Variants in PHF12 observed in about 807,000 individuals in gnomAD.
PHF12 encodes the protein PHD factor 1.
A neutral mutation model predicts 99.8 loss-of-function variants in PHF12; 6 were observed. The ratio of observed to expected loss-of-function variants is 0.06; its 90% confidence interval spans 0.03 to 0.12. The LOEUF (loss-of-function observed/expected upper bound fraction) is 0.12, where lower values mean the gene tolerates loss of function less well. Ranked by LOEUF, PHF12 falls within the 10% of genes least tolerant of loss-of-function variation. The pLI is 1.00. For missense variants in PHF12, 954 were observed against 1,300.1 expected (o/e 0.73, Z 4.09); for synonymous variants, 480 against 514.9 (o/e 0.93, Z 0.92).
At chr17:28,911,743 C>T (rs1044891919) in intron 9 of PHF12, among the ~76,000 whole-genome samples, 4 of 152,206 alleles carry the variant, frequency 2.6e-5, no homozygotes, top group East Asian at 1.9e-4. Flanking sequence ...ACTAGGAGGC[C>T]GGCTTCAGTT....
Position 28,905,611 on chromosome 17 carries a change from T to C in PHF12, c.*572A>G, listed in dbSNP as rs1422928612. The C allele has an allele frequency of 6.6e-6, 1 of 152,636 alleles. No homozygotes were observed. Among genetic ancestry groups the C allele is most frequent in the African/African-American group, 2.4e-5 (1 of 41,442 alleles). 9.5% of individuals were successfully genotyped at this position (152,636 alleles called of 1,614,324 possible). The stretch of plus-strand genomic sequence containing the variant: ...GACAGCCAGAAAAAGAATTCATTTC[T>C]CATTTGTCCATAATACACAGTAGCT... On this transcript the variant is annotated 3_prime_UTR_variant, in exon 15 of 15. Transcript: ENST00000332830.
intron 7 of PHF12, among the ~76,000 whole-genome samples, chr17:28,915,563 T>G (rs1567953339): frequency 6.6e-6 from 1 of 152,100 alleles, no homozygotes; most frequent in Non-Finnish European, 1.5e-5. Flanking sequence ...ATGGGCTTTC[T>G]GAGATCACCC....
intron 12 of PHF12, 111 bp downstream of exon 12, chr17:28,908,672 G>C: frequency 9.7e-7 from 1 of 1,027,440 alleles, no homozygotes. Flanking sequence ...ATTTAAAGCA[G>C]TCAACTCTGG....
rs893245280 is a variant in PHF12 at position 28,908,159 on chromosome 17, T to C, written c.2459-487A>G. ...TTGGGTATGTGTGAGTCTATCACTCTTTCAAAGACCACCAGGGACAAAGCA... is the reference window on the plus strand; with the variant it reads ...TTGGGTATGTGTGAGTCTATCACTCCTTCAAAGACCACCAGGGACAAAGCA... On this transcript the variant is annotated intron_variant, in intron 12 of 14. Coordinates refer to ENST00000332830, the MANE Select transcript of PHF12 (RefSeq NM_001033561.2). 4 of 162,102 alleles carry C rather than the reference T, an allele frequency of 2.5e-5. No individual in the cohort carries two copies. The East Asian group carries it at 7.2e-4, about 29-fold the overall frequency. The allele number at this position is 162,102 out of a possible 1,614,324, so 10.0% of individuals were successfully genotyped here.
chr17:28,947,961 CCTT>C (rs764026186), intron 2 of PHF12, among the ~76,000 whole-genome samples: 16 of 152,166 alleles, frequency 1.1e-4, no homozygotes, highest in East Asian at 5.8e-4. Context: ...AAGAGTCCCT[CCTT>C]CTTTCTCCTT....
intron 2 of PHF12, among the ~76,000 whole-genome samples, chr17:28,947,935 A>AT (rs2040747014): frequency 6.6e-6 from 1 of 152,222 alleles, no homozygotes; most frequent in Non-Finnish European, 1.5e-5. Context: ...GCAAGTCTGA[A>AT]TCTCACCAAC....
intron 4 of PHF12, among the ~76,000 whole-genome samples, chr17:28,923,651 C>CAAAAAAAAAAAAAAAAAA (rs1491183033): frequency 0.026 from 571 of 21,882 alleles, 44 homozygotes; most frequent in African/African-American, 0.031. Flanking sequence ...AAGTGAGACT[C>CAAAAAAAAAAAAAAAAAA]ACAAAAAAAA....
At chr17:28,928,882 C>T (rs749853168) in intron 2 of PHF12, among the ~76,000 whole-genome samples, 8 of 151,792 alleles carry the variant, frequency 5.3e-5, no homozygotes, top group Non-Finnish European at 8.8e-5. Flanking sequence ...CAGAACACGA[C>T]GTCAGGAGTT....
intron 9 of PHF12, 41 bp downstream of exon 9, chr17:28,912,441 T>A (rs369916315): frequency 6.5e-7 from 1 of 1,530,382 alleles, no homozygotes; most frequent in South Asian, 1.3e-5. Flanking sequence ...AGAAAGAGCA[T>A]AAAATTATTC....
rs1275882147 is a variant in PHF12 at position 28,949,725 on chromosome 17, A to C, written c.248+340T>G. On this transcript the variant is annotated intron_variant, in intron 2 of 14. Coordinates refer to ENST00000332830, the MANE Select transcript of PHF12 (RefSeq NM_001033561.2). This position sits in a 1 kb window ranked among gnomAD's most constrained non-coding sequence, Gnocchi z 4.6. ...AGGGCAGCGGGCGCGCGGGCAGGCA[A>C]GCGGCACTGGGCCCGGAGCTCCTCC... is the stretch of plus-strand genomic sequence containing the variant. 1 of 193,488 alleles carries C rather than the reference A, an allele frequency of 5.2e-6. No individual in the cohort carries two copies. The highest frequency in any genetic ancestry group is 1.1e-5 in the Non-Finnish European group (1 of 94,888). The allele number at this position is 193,488 out of a possible 1,614,324, so 12.0% of individuals were successfully genotyped here.
Position 28,921,798 on chromosome 17 carries a change from C to T in PHF12, c.726G>A (p.Lys242=), listed in dbSNP as rs372863507. The T allele has an allele frequency of 8.7e-6, 14 of 1,613,988 alleles. No homozygotes were observed. The highest frequency in any genetic ancestry group is 1.3e-5 in the African/African-American group (1 of 74,900). ...TCTTALPGSS[K]RRRKEETTGK... is the part of the protein sequence containing the mutation. ...CTGTGGTTTCCTCCTTTCTTCTCCT[C>T]TTGCTAGAACCTAGAAAAGAAAATG... The change falls in exon 5 of 15, where the codon AAG becomes AAA. Residue 242 remains lysine (K), a synonymous_variant. Transcript: ENST00000332830.
chr17:28,906,186 A>C lies in PHF12; in HGVS notation c.3012T>G (p.Pro1004=). 1 of 1,580,022 alleles carries C rather than the reference A, an allele frequency of 6.3e-7. No individual in the cohort carries two copies. The highest frequency in any genetic ancestry group is 1.1e-5 in the South Asian group (1 of 88,124). The change falls in exon 15 of 15, where the codon CCT becomes CCG. Residue 1004 remains proline, a synonymous_variant. Coordinates refer to ENST00000332830, the MANE Select transcript of PHF12 (RefSeq NM_001033561.2). The surrounding 1 kb of genome is among the most constrained non-coding windows in gnomAD (Gnocchi z 4.2). ...QGPVLRSNSV[P] ...AGTGGCGGGGTAGCCGCCAGTCCTAAGGAACAGAGTTGGAGCGCAGCACAG... is the reference window on the plus strand; with the variant it reads ...AGTGGCGGGGTAGCCGCCAGTCCTACGGAACAGAGTTGGAGCGCAGCACAG...
intron 7 of PHF12, among the ~76,000 whole-genome samples, chr17:28,917,020 G>C (rs1296370341): frequency 1.3e-5 from 2 of 152,196 alleles, no homozygotes; most frequent in African/African-American, 4.8e-5. Context: ...GCACATTTGG[G>C]TTTGGTGGGA....
At chr17:28,920,798 T>C (rs1347036840) in intron 5 of PHF12, among the ~76,000 whole-genome samples, 4 of 152,224 alleles carry the variant, frequency 2.6e-5, no homozygotes, top group Admixed American at 1.3e-4. Context: ...CCTGACCTCA[T>C]GATCTGCCCG....
At position 28,919,257 on chromosome 17, in the gene PHF12, A is replaced by G. The variant is rs779659713; in HGVS notation, c.855T>C (p.Pro285=). The G allele has an allele frequency of 9.9e-6, 16 of 1,613,886 alleles. No individual in the cohort carries two copies. Among genetic ancestry groups the G allele is most frequent in the African/African-American group, 5.3e-5 (4 of 74,944 alleles). ...FTCNRSCRVA[P]LIQCDYCPLL... Reference sequence around the variant, plus strand: ...GAGGGCAATAGTCACACTGGATGAGAGGAGCCACACGGCAACTCCTGCAAA... The same window carrying G: ...GAGGGCAATAGTCACACTGGATGAGGGGAGCCACACGGCAACTCCTGCAAA... Residue 285 remains proline (P), a synonymous_variant, in exon 6 of 15, where the codon CCT becomes CCC. Coordinates refer to ENST00000332830, the MANE Select transcript of PHF12 (RefSeq NM_001033561.2).
At chr17:28,931,503 C>T (rs547809366) in intron 2 of PHF12, among the ~76,000 whole-genome samples, 36 of 148,366 alleles carry the variant, frequency 2.4e-4, no homozygotes, top group Admixed American at 4.7e-4. Flanking sequence ...GTGATCCACC[C>T]ACCTCAGCCT....
intron 2 of PHF12, among the ~76,000 whole-genome samples, chr17:28,928,013 A>G (rs530129491): frequency 6.6e-6 from 1 of 152,362 alleles, no homozygotes; most frequent in South Asian, 2.1e-4. Flanking sequence ...TGGGAGGCTG[A>G]GGCAGAAGAA....
chr17:28,942,782 C>T (rs1270676949), intron 2 of PHF12, among the ~76,000 whole-genome samples: 2 of 151,896 alleles, frequency 1.3e-5, no homozygotes, highest in Non-Finnish European at 2.9e-5. Flanking sequence ...CACCACTGTA[C>T]TCCAGCCTCG....
Position 28,921,741 on chromosome 17 carries a change from T to C in PHF12, c.783A>G (p.Leu261=), listed in dbSNP as rs749844484. Residue 261 remains leucine (L), a synonymous_variant, in exon 5 of 15, where the codon TTA becomes TTG. Coordinates refer to ENST00000332830, the MANE Select transcript of PHF12 (RefSeq NM_001033561.2). ...GTAAGGGAACGAGACCATTGTGATC[T>C]AATTCATGCTGTGTCTTCTTAACAT... ...GKNVKKTQHE[L]DHNGLVPLPV... is the part of the protein sequence containing the mutation. 2 of 1,614,050 alleles carry C rather than the reference T, an allele frequency of 1.2e-6. No homozygotes were observed. The highest frequency in any genetic ancestry group is 1.3e-5 in the African/African-American group (1 of 74,928).
Sources: gnomAD v4.1 joint callset for allele counts (sites outside exome capture counted in the v4.1 genomes callset) on GRCh38, gnomAD v4.1.1 for gene constraint, Gnocchi (gnomAD v3.1) non-coding constraint, MANE v1.5 for transcripts, NCBI Gene and HGNC (gene_info 2026-07-23, HGNC 2026-07-21) for gene names.